CSRNP3: variants seen among roughly 807,000 people sequenced by gnomAD.
The protein encoded by CSRNP3 is cysteine and serine rich nuclear protein 3.
In CSRNP3, 12 loss-of-function variants were observed where a neutral mutation model predicts 48.0. The ratio of observed to expected loss-of-function variants is 0.25; its 90% CI spans 0.16 to 0.41. The LOEUF (loss-of-function observed/expected upper bound fraction) is 0.41. Ranked by LOEUF, CSRNP3 falls within the 10% of genes least tolerant of loss-of-function variation. The pLI, the probability that CSRNP3 is intolerant of heterozygous loss-of-function variation, is 1.00. For missense variants in CSRNP3, 580 were observed against 724.4 expected (o/e 0.80, Z 2.29); for synonymous variants, 263 against 269.7 (o/e 0.98, Z 0.24).
In CSRNP3 at chr2:165,678,851, C is replaced by T. The variant is rs1477277696; in HGVS notation, c.856C>T (p.Pro286Ser). Residue 286 changes from proline (P) to serine (S), a missense_variant, in exon 7 of 7, where the codon CCC (proline) becomes TCC (serine). Physicochemically the swap from Pro to Ser is moderately conservative, Grantham distance 74. Around this residue, in one of 4 missense-constraint regions of CSRNP3, gnomAD observed 369 missense variants for 380.8 expected, o/e 0.97. Transcript: ENST00000651982. ...GGAGAAAAACCGAGAGCAGCAAATC[C>T]CCACGCTGAATGGCTGCCACAGTGA... ...ELEKNREQQIPTLNGCHSEIS... is the reference protein window; with the variant it reads ...ELEKNREQQISTLNGCHSEIS... 1 of 1,613,928 alleles carries T rather than the reference C, an allele frequency of 6.2e-7. No individual in the cohort carries two copies. The highest frequency in any genetic ancestry group is 8.5e-7 in the Non-Finnish European group (1 of 1,179,982).
intron 1 of CSRNP3, among the ~76,000 whole-genome samples, chr2:165,490,110 C>A (rs1433700434): frequency 1.3e-5 from 2 of 149,484 alleles, no homozygotes; most frequent in South Asian, 2.1e-4. Flanking sequence ...TCTCAGGATA[C>A]AAAATCAATG....
rs1340118639 is a variant in CSRNP3 at position 165,574,213 on chromosome 2, A to ATT, written c.-23-20829_-23-20828insTT. ...GGAGGACTGCCTGAGCCTTATGCAA[A>ATT]TGAGACCAGCTCGGAGGCTTTGACT... On this transcript the variant is annotated intron_variant, in intron 3 of 6. Transcript: ENST00000651982. 7 of 586,744 alleles carry ATT rather than the reference A, an allele frequency of 1.2e-5. No individual in the cohort carries two copies. The African/African-American group carries it at 1.3e-4, about 11-fold the overall frequency. 36.3% of individuals were successfully genotyped at this position (586,744 alleles called of 1,614,324 possible). A position where few individuals can be genotyped will look rare whatever the true frequency, so the allele number is the denominator to read the frequency against.
At chr2:165,660,862 A>C (rs10184773) in intron 5 of CSRNP3, among the ~76,000 whole-genome samples, 110,198 of 152,026 alleles carry the variant, frequency 0.72, 40,240 homozygotes, top group South Asian at 0.79. Flanking sequence ...ATTTGGTTAT[A>C]ATCACTACTT....
intron 2 of CSRNP3, among the ~76,000 whole-genome samples, chr2:165,513,696 T>C (rs1684538783): frequency 6.6e-6 from 1 of 152,236 alleles, no homozygotes; most frequent in African/African-American, 2.4e-5. Flanking sequence ...GCAATAGCTA[T>C]GTGCCTCACT....
At chr2:165,577,713 ATT>A (rs955383115) in intron 3 of CSRNP3, among the ~76,000 whole-genome samples, 1 of 151,602 alleles carries the variant, frequency 6.6e-6, no homozygotes, top group African/African-American at 2.4e-5. Flanking sequence ...TTATAATTTT[ATT>A]GTCTTTTTTA....
At chr2:165,470,771 A>C (rs2105441805) in intron 1 of CSRNP3, among the ~76,000 whole-genome samples, 1 of 152,126 alleles carries the variant, frequency 6.6e-6, no homozygotes, top group African/African-American at 2.4e-5. Flanking sequence ...CGGTGGTAGA[A>C]CCTCATTAAA....
intron 1 of CSRNP3, among the ~76,000 whole-genome samples, chr2:165,486,085 C>T (rs559393598): frequency 3.4e-4 from 52 of 152,206 alleles, no homozygotes; most frequent in Middle Eastern, 3.4e-3. Flanking sequence ...CCAGTGGGTG[C>T]GCGCACCGTG....
At chr2:165,564,163 A>T (rs1410698859) in intron 3 of CSRNP3, among the ~76,000 whole-genome samples, 1 of 152,142 alleles carries the variant, frequency 6.6e-6, no homozygotes, top group Non-Finnish European at 1.5e-5. Flanking sequence ...AAATCTGTTC[A>T]TCAATCAAAG....
Position 165,513,748 on chromosome 2 carries a change from T to C in CSRNP3, c.-112-4125T>C, listed in dbSNP as rs1396163177. Among the ~76,000 whole-genome samples the C allele has an allele frequency of 3.3e-5, 5 of 152,192 alleles. No homozygotes were observed. The East Asian group carries it at 9.6e-4, about 29-fold the overall frequency. On this transcript the variant is annotated intron_variant, in intron 2 of 6. Coordinates refer to ENST00000651982, the MANE Select transcript of CSRNP3 (RefSeq NM_001172173.2). ...CCTTTTAGAGAAAATGTTGAAAACA[T>C]GGAAGAGTGCCTTGACCATTGCCAA...
intron 1 of CSRNP3, among the ~76,000 whole-genome samples, chr2:165,478,613 T>C (rs1053590708): frequency 3.3e-5 from 5 of 152,228 alleles, no homozygotes; most frequent in African/African-American, 1.2e-4. Flanking sequence ...TTATTGAACA[T>C]TTCTTGAATC....
chr2:165,538,382 C>T (rs929283253), intron 3 of CSRNP3, among the ~76,000 whole-genome samples: 28 of 151,888 alleles, frequency 1.8e-4, no homozygotes, highest in African/African-American at 4.3e-4. Context: ...GTGATACCTT[C>T]GTGATTCTCA....
In CSRNP3 at chr2:165,662,127, GAAACAAAATAAAGATGTTATTTTGA is replaced by G. The variant is rs759886055; in HGVS notation, c.408+4145_408+4169del. ...TAGTACATCTATAGATGTTATTTTG[GAAACAAAATAAAGATGTTATTTTGA>G]AAACAAAATAAAGATGTTATTTTGA... is the stretch of plus-strand genomic sequence containing the variant. On this transcript the variant is annotated intron_variant, in intron 5 of 6. Coordinates refer to ENST00000651982, the MANE Select transcript of CSRNP3 (RefSeq NM_001172173.2). Among the ~76,000 whole-genome samples, 1,290 of 130,408 alleles carry G rather than the reference GAAACAAAATAAAGATGTTATTTTGA, an allele frequency of 9.9e-3. 41 individuals carry two copies. The highest frequency in any genetic ancestry group is 0.073 in the Admixed American group (961 of 13,158). 85.6% of individuals were successfully genotyped at this position (130,408 alleles called of 152,430 possible).
rs1342100004 is a variant in CSRNP3 at position 165,494,883 on chromosome 2, T to C, written c.-158T>C. The C allele has an allele frequency of 1.2e-5, 2 of 163,974 alleles. No homozygotes were observed. The highest frequency in any genetic ancestry group is 2.8e-5 in the Non-Finnish European group (2 of 71,380). 10.2% of individuals were successfully genotyped at this position (163,974 alleles called of 1,614,324 possible). On this transcript the variant is annotated 5_prime_UTR_variant, in exon 2 of 7. Transcript: ENST00000651982. ...ATGAAGTTTTCAGCTGTGACAGTAC[T>C]GAGAGTGTTGATAGTGTCAATCGTT...
At chr2:165,677,696 A>G (rs1820325) in intron 6 of CSRNP3, among the ~76,000 whole-genome samples, 24,368 of 152,108 alleles carry the variant, frequency 0.16, 2,392 homozygotes, top group East Asian at 0.33. Context: ...TTAGCATAGG[A>G]AATTCCATGG....
At chr2:165,536,634 G>A (rs375123195) in intron 3 of CSRNP3, among the ~76,000 whole-genome samples, 1 of 151,858 alleles carries the variant, frequency 6.6e-6, no homozygotes, top group South Asian at 2.1e-4. Flanking sequence ...TGTTAAGCAT[G>A]TGTCAAGTTC....
intron 4 of CSRNP3, among the ~76,000 whole-genome samples, chr2:165,630,514 C>G (rs1686518397): frequency 6.6e-6 from 1 of 152,170 alleles, no homozygotes; most frequent in South Asian, 2.1e-4. Flanking sequence ...TGGTGGACTC[C>G]TTGTCGGGAC....
chr2:165,505,689 G>A (rs1264608733), intron 2 of CSRNP3, among the ~76,000 whole-genome samples: 2 of 151,990 alleles, frequency 1.3e-5, no homozygotes, highest in South Asian at 2.1e-4. Flanking sequence ...AACTTCCGGA[G>A]GTTTTTTTAA....
rs71028497 is a variant in CSRNP3 at position 165,653,972 on chromosome 2, C to CAAAAAAAAAA, written c.149-3762_149-3753dup. On this transcript the variant is annotated intron_variant, in intron 4 of 6. Transcript: ENST00000651982. ...GGGCAACAAGAGCGAAGCTCTATCA[C>CAAAAAAAAAA]AAAAAAAAAAAAAAAAAAAAAAAAA... is the stretch of plus-strand genomic sequence containing the variant. Among the ~76,000 whole-genome samples the CAAAAAAAAAA allele has an allele frequency of 5.3e-4, 22 of 41,224 alleles. 4 individuals carry two copies. The highest frequency in any genetic ancestry group is 1.6e-3 in the African/African-American group (16 of 10,116). 27.0% of individuals were successfully genotyped at this position (41,224 alleles called of 152,430 possible).
Position 165,475,661 on chromosome 2 carries a change from CAGAT to C in CSRNP3, c.-283+5924_-283+5927del, listed in dbSNP as rs942548991. 1.3e-4 allele frequency among the ~76,000 whole-genome samples: 20 copies of C among 152,188 alleles called. 1 individual carries two copies. The highest frequency in any genetic ancestry group is 4.1e-4 in the African/African-American group (17 of 41,440). ...TGAATAATTAAGCAAATTGTCTTGT[CAGAT>C]AGTCATCTAGCCTCCTCTTACATCC... is the stretch of plus-strand genomic sequence containing the variant. On this transcript the variant is annotated intron_variant, in intron 1 of 6. Transcript: ENST00000651982.
Sources: gnomAD v4.1 joint callset for allele counts (sites outside exome capture counted in the v4.1 genomes callset) on GRCh38, gnomAD v4.1.1 for gene constraint, gnomAD v4.1.1 regional missense constraint, MANE v1.5 for transcripts, NCBI Gene and HGNC (gene_info 2026-07-23, HGNC 2026-07-21) for gene names.